Variants in NTRK3 observed in about 807,000 individuals in gnomAD.
NTRK3 encodes NT-3 growth factor receptor.
Under a neutral mutation model 91.7 loss-of-function variants are expected in NTRK3, and 24 were observed. That is an observed-to-expected ratio of 0.26 (90% CI 0.19 to 0.37). NTRK3 has a LOEUF of 0.37. Among genes scored for constraint, NTRK3 ranks in the 10% least tolerant of loss-of-function variants. The pLI is 1.00. For synonymous variants in NTRK3, 483 were observed against 404.0 expected (o/e 1.20, Z -2.34); for missense variants, 880 against 1,068.9 (o/e 0.82, Z 2.46).
chr15:88,222,157 TCA>T (rs2141592867), intron 3 of NTRK3, among the ~76,000 whole-genome samples: 1 of 152,334 alleles, frequency 6.6e-6, no homozygotes, highest in African/African-American at 2.4e-5. Flanking sequence ...GGGTCAGAAC[TCA>T]GAGATTCTCT....
At chr15:88,245,762 T>C (rs1485137772) in intron 3 of NTRK3, among the ~76,000 whole-genome samples, 1 of 152,178 alleles carries the variant, frequency 6.6e-6, no homozygotes, top group Non-Finnish European at 1.5e-5. Context: ...TTTATTATTT[T>C]CATATGAGAA....
chr15:88,023,215 G>A (rs1315506058), intron 14 of NTRK3, among the ~76,000 whole-genome samples: 2 of 152,070 alleles, frequency 1.3e-5, no homozygotes, highest in African/African-American at 2.4e-5. Flanking sequence ...CAAGCCCATG[G>A]GCCCAGGACT....
intron 5 of NTRK3, among the ~76,000 whole-genome samples, chr15:88,177,097 T>G (rs945113341): frequency 6.6e-6 from 1 of 152,096 alleles, no homozygotes; most frequent in African/African-American, 2.4e-5. Context: ...TTTAAGGGAC[T>G]GAAAAGGCTT....
intron 4 of NTRK3, 32 bp downstream of exon 4, chr15:88,184,193 G>A (rs781493229): frequency 1.2e-6 from 2 of 1,607,986 alleles, no homozygotes; most frequent in South Asian, 2.2e-5. Flanking sequence ...CCTTCCACAG[G>A]GAAAGGCCTC....
chr15:87,898,805 G>A (rs1212145151), intron 17 of NTRK3, among the ~76,000 whole-genome samples: 3 of 129,384 alleles, frequency 2.3e-5, no homozygotes, highest in African/African-American at 5.9e-5. Flanking sequence ...GGCCAACACA[G>A]TGAAACTCTG....
chr15:88,199,949 C>T (rs143840234), intron 3 of NTRK3, among the ~76,000 whole-genome samples: 237 of 152,336 alleles, frequency 1.6e-3, no homozygotes, highest in Admixed American at 5.3e-3. Context: ...GAAGGAAAAA[C>T]CTACAGGTGG....
At chr15:87,932,734 C>T (rs970977393) in intron 16 of NTRK3, among the ~76,000 whole-genome samples, 2 of 152,160 alleles carry the variant, frequency 1.3e-5, no homozygotes, top group Non-Finnish European at 2.9e-5. Flanking sequence ...CTTCCAGACT[C>T]CTTCTGGACC....
intron 15 of NTRK3, among the ~76,000 whole-genome samples, chr15:87,936,541 CTT>C (rs11295279): frequency 7.4e-4 from 103 of 139,674 alleles, no homozygotes; most frequent in Middle Eastern, 3.7e-3. Flanking sequence ...ATCTTACTTT[CTT>C]TTTTTTTTTT....
intron 13 of NTRK3, among the ~76,000 whole-genome samples, chr15:88,056,193 TATATATA>T (rs1013182658): frequency 1.2e-4 from 12 of 99,306 alleles, no homozygotes; most frequent in African/African-American, 4.7e-4. Context: ...TATATATATA[TATATATA>T]TATTTTTTTT....
In NTRK3 at chr15:87,933,220, A is replaced by G. The variant is rs750301400; in HGVS notation, c.1717-36T>C. 4 of 1,611,032 alleles carry G rather than the reference A, an allele frequency of 2.5e-6. No homozygotes were observed. The South Asian group carries it at 3.3e-5, about 13-fold the overall frequency. ...TGCAGGACACAGGTGTTTAACAACT[A>G]CAGGGCAGGGGGCTGTCTTTTCTAC... On this transcript the variant is annotated intron_variant, in intron 15 of 18. Transcript: ENST00000394480.
At chr15:87,990,952 A>C (rs1218587338) in intron 14 of NTRK3, among the ~76,000 whole-genome samples, 3 of 152,212 alleles carry the variant, frequency 2.0e-5, no homozygotes, top group African/African-American at 7.2e-5. Context: ...ACTGTTTTGC[A>C]GATCATTCAT....
rs140436855 is a variant in NTRK3, at chr15:87,885,363, T to C, written c.2134-4935A>G. 2.3e-3 allele frequency among the ~76,000 whole-genome samples: 348 copies of C among 151,868 alleles called. 1 individual carries two copies. Among genetic ancestry groups the C allele is most frequent in the Non-Finnish European group, 4.0e-3 (270 of 67,748 alleles). ...ATCTGAAAAGTTAACACAATATATATGAAAACCCAAATGAAATGGTGTATG... is the reference window on the plus strand; with the variant it reads ...ATCTGAAAAGTTAACACAATATATACGAAAACCCAAATGAAATGGTGTATG... On this transcript the variant is annotated intron_variant, in intron 17 of 18. Transcript: ENST00000394480.
chr15:88,040,934 T>G (rs1156306683), intron 13 of NTRK3, among the ~76,000 whole-genome samples: 1 of 152,236 alleles, frequency 6.6e-6, no homozygotes, highest in Non-Finnish European at 1.5e-5. Context: ...CAAATAAGTT[T>G]AAGTCATTTT....
At chr15:88,041,092 G>A (rs184264469) in intron 13 of NTRK3, among the ~76,000 whole-genome samples, 2 of 152,298 alleles carry the variant, frequency 1.3e-5, no homozygotes, top group East Asian at 3.9e-4. Flanking sequence ...AGTGCTTGGT[G>A]TGAATACATG....
chr15:88,060,721 C>T (rs1340473250), intron 13 of NTRK3, among the ~76,000 whole-genome samples: 1 of 152,052 alleles, frequency 6.6e-6, no homozygotes, highest in Admixed American at 6.6e-5. Context: ...GCAGAACAGA[C>T]CATGGGTTGG....
chr15:88,083,573 G>A (rs1422872097), intron 13 of NTRK3, among the ~76,000 whole-genome samples: 3 of 152,084 alleles, frequency 2.0e-5, no homozygotes, highest in East Asian at 1.9e-4. Context: ...TGTGTTGCCT[G>A]GAAGGGTTAA....
At chr15:88,078,330 G>A (rs554488196) in intron 13 of NTRK3, among the ~76,000 whole-genome samples, 1 of 152,264 alleles carries the variant, frequency 6.6e-6, no homozygotes, top group South Asian at 2.1e-4. Flanking sequence ...GTCCCAACAG[G>A]TGCTTCGATA....
At chr15:88,128,685 C>T in intron 11 of NTRK3, 26 bp downstream of exon 11, 1 of 1,613,102 alleles carries the variant, frequency 6.2e-7, no homozygotes, top group Non-Finnish European at 8.5e-7. Flanking sequence ...AAATCAGTTT[C>T]AAAGCAACAG....
exon 19 of NTRK3, chr15:87,874,621 A>G (rs2064901757): frequency 4.3e-6 from 1 of 232,588 alleles, no homozygotes; most frequent in Non-Finnish European, 8.5e-6. Flanking sequence ...TGTTCAGGAG[A>G]GGATATGGGA....
Sources: gnomAD v4.1 joint callset for allele counts (sites outside exome capture counted in the v4.1 genomes callset) on GRCh38, gnomAD v4.1.1 for gene constraint, MANE v1.5 for transcripts, NCBI Gene and HGNC (gene_info 2026-07-23, HGNC 2026-07-21) for gene names.